The following SLC51B variants were observed in gnomAD, a reference collection of about 807,000 sequenced individuals.
SLC51B encodes the protein organic solute transporter subunit beta.
A neutral mutation model predicts 8.0 loss-of-function variants in SLC51B; 6 were observed. The observed-to-expected ratio is 0.75, with a 90% CI of 0.41 to 1.48. SLC51B has a LOEUF of 1.48. Among genes scored for constraint, SLC51B ranks in the 40% most tolerant of loss-of-function variants. The pLI is 0.01. For missense variants in SLC51B, 150 were observed against 149.7 expected (o/e 1.00, Z -0.01); for synonymous variants, 61 against 54.8 (o/e 1.11, Z -0.50).
At chr15:65,052,878 C>A in intron 3 of SLC51B, 88 bp from the exon 4 acceptor site, 2 of 1,224,440 alleles carry the variant, frequency 1.6e-6, no homozygotes, top group Non-Finnish European at 2.3e-6. Flanking sequence ...AGAGAATTTT[C>A]CCCTTAGACT....
intron 1 of SLC51B, among the ~76,000 whole-genome samples, chr15:65,045,847 G>A (rs1234738163): frequency 6.6e-6 from 1 of 152,232 alleles, no homozygotes; most frequent in East Asian, 1.9e-4. Flanking sequence ...CACTTTAGAA[G>A]CAAACTGGAT....
intron 1 of SLC51B, chr15:65,049,101 T>C (rs1481003593): frequency 6.6e-6 from 1 of 152,066 alleles, no homozygotes; most frequent in African/African-American, 2.4e-5. Context: ...CTATTTCTTT[T>C]TGTTTTGTAA....
chr15:65,050,055 C>A lies in SLC51B; in HGVS notation c.51C>A (p.Pro17=). 6.4e-7 allele frequency: 1 copy of A among 1,551,724 alleles called. No homozygotes were observed. Among genetic ancestry groups the A allele is most frequent in the South Asian group, 1.2e-5 (1 of 84,044 alleles). Residue 17 remains proline (P), a synonymous_variant, in exon 2 of 4, where the codon CCC becomes CCA. Coordinates refer to ENST00000334287, the MANE Select transcript of SLC51B (RefSeq NM_178859.4). ...APGDPAGTVV[P]QELLEEMLWF... ...GAGACCCAGCCGGTACTGTGGTACCCCAGGAGCTGCTGGAAGAGATGCTTT... is the reference window on the plus strand; with the variant it reads ...GAGACCCAGCCGGTACTGTGGTACCACAGGAGCTGCTGGAAGAGATGCTTT...
chr15:65,051,663 C>T, intron 3 of SLC51B, 58 bp downstream of exon 3: 1 of 1,528,632 alleles, frequency 6.5e-7, no homozygotes, highest in Non-Finnish European at 9.0e-7. Flanking sequence ...GCCCTGCCTT[C>T]CCAGAGGGAA....
intron 1 of SLC51B, chr15:65,049,460 A>G (rs868356955): frequency 6.6e-6 from 1 of 152,040 alleles, no homozygotes; most frequent in African/African-American, 2.4e-5. Context: ...AGGCGTGCCA[A>G]TCCCCAGGAG....
At chr15:65,048,492 G>A (rs549317974) in intron 1 of SLC51B, among the ~76,000 whole-genome samples, 11 of 152,314 alleles carry the variant, frequency 7.2e-5, no homozygotes, top group African/African-American at 2.2e-4. Flanking sequence ...TTGGGGCTGA[G>A]ATTGTTGAGC....
intron 1 of SLC51B, among the ~76,000 whole-genome samples, chr15:65,048,724 T>C (rs2086607632): frequency 6.6e-6 from 1 of 152,184 alleles, no homozygotes; most frequent in African/African-American, 2.4e-5. Flanking sequence ...AAATGTGTTA[T>C]TGGGTCAGGC....
chr15:65,052,976 A>G lies in SLC51B; in HGVS notation c.199A>G (p.Met67Val), dbSNP rs150408669. The change falls in exon 4 of 4, where the codon ATG becomes GTG. Residue 67 changes from methionine to valine, a missense_variant. Physicochemically the swap from Met to Val is conservative, Grantham distance 21. Coordinates refer to ENST00000334287, the MANE Select transcript of SLC51B (RefSeq NM_178859.4). ...TCCCTGTCCCCCCAGAAAAGAAAAG[A>G]TGCAGCCACCAGAAAAAGAAACTCC... ...RSIQASRKEKMQPPEKETPEV... is the reference protein window; with the variant it reads ...RSIQASRKEKVQPPEKETPEV... 9.7e-5 allele frequency: 142 copies of G among 1,470,982 alleles called. No homozygotes were observed. The African/African-American group carries it at 1.7e-3, about 17-fold the overall frequency. 91.1% of individuals were successfully genotyped at this position (1,470,982 alleles called of 1,614,324 possible).
In SLC51B at chr15:65,049,849, A is replaced by C. The variant is rs149959590; in HGVS notation, c.-108-48A>C. 3.9e-3 allele frequency: 1,947 copies of C among 501,774 alleles called. 7 individuals are homozygous for C. Among genetic ancestry groups the C allele is most frequent in the Middle Eastern group, 0.011 (21 of 1,860 alleles). 31.1% of individuals were successfully genotyped at this position (501,774 alleles called of 1,614,324 possible). A position where few individuals can be genotyped will look rare whatever the true frequency, so the allele number is the denominator to read the frequency against. On this transcript the variant is annotated intron_variant, in intron 1 of 3. Coordinates refer to ENST00000334287, the MANE Select transcript of SLC51B (RefSeq NM_178859.4). ...GATCTGGATTTGGGCACAGAGGGAG[A>C]TCAAACTCGGGTGGGATATCCAGTC...
intron 1 of SLC51B, among the ~76,000 whole-genome samples, chr15:65,048,726 G>A (rs1191939819): frequency 6.6e-6 from 1 of 152,098 alleles, no homozygotes; most frequent in Non-Finnish European, 1.5e-5. Flanking sequence ...ATGTGTTATT[G>A]GGTCAGGCGC....
chr15:65,049,230 A>G (rs1168807191), intron 1 of SLC51B: 1 of 151,486 alleles, frequency 6.6e-6, no homozygotes, highest in Non-Finnish European at 1.5e-5. Flanking sequence ...AATAGTTGGG[A>G]TGGAAATAGG....
Position 65,053,360 on chromosome 15 carries a change from T to C in SLC51B, c.*196T>C. ...AATTCTGTTATTAAAAAAAATCTTTTATTAAAATGCTCCTGGAAGGGAGCA... is the reference window on the plus strand; with the variant it reads ...AATTCTGTTATTAAAAAAAATCTTTCATTAAAATGCTCCTGGAAGGGAGCA... On this transcript the variant is annotated 3_prime_UTR_variant, in exon 4 of 4. Coordinates refer to ENST00000334287, the MANE Select transcript of SLC51B (RefSeq NM_178859.4). 7.1e-7 allele frequency: 1 copy of C among 1,406,916 alleles called. No homozygotes were observed. Among genetic ancestry groups the C allele is most frequent in the East Asian group, 2.7e-5 (1 of 37,732 alleles). The allele number at this position is 1,406,916 out of a possible 1,614,324, so 87.2% of individuals were successfully genotyped here. A position where few individuals can be genotyped will look rare whatever the true frequency, so the allele number is the denominator to read the frequency against.
chr15:65,049,950 T>A lies in SLC51B; in HGVS notation c.-55T>A. The A allele has an allele frequency of 7.0e-7, 1 of 1,425,812 alleles. No individual in the cohort carries two copies. Among genetic ancestry groups the A allele is most frequent in the East Asian group, 2.6e-5 (1 of 39,076 alleles). 88.3% of individuals were successfully genotyped at this position (1,425,812 alleles called of 1,614,324 possible). On this transcript the variant is annotated 5_prime_UTR_variant, in exon 2 of 4. Coordinates refer to ENST00000334287, the MANE Select transcript of SLC51B (RefSeq NM_178859.4). ...CCAGAACCGAGGAGGCCAGGAGGGCTGCTGGGGCTAAGGGGTCTAAGGACC... is the reference window on the plus strand; with the variant it reads ...CCAGAACCGAGGAGGCCAGGAGGGCAGCTGGGGCTAAGGGGTCTAAGGACC...
At chr15:65,051,393 G>A in intron 2 of SLC51B, 122 bp from the exon 3 acceptor site, 3 of 860,580 alleles carry the variant, frequency 3.5e-6, no homozygotes, top group South Asian at 1.5e-5. Flanking sequence ...TCTTTGATTA[G>A]GGTCTCCACG....
At chr15:65,052,317 A>T (rs1053472849) in intron 3 of SLC51B, among the ~76,000 whole-genome samples, 4 of 151,724 alleles carry the variant, frequency 2.6e-5, no homozygotes, top group African/African-American at 9.7e-5. Context: ...CCAAGGTCAG[A>T]GACAGTGTGG....
intron 3 of SLC51B, among the ~76,000 whole-genome samples, chr15:65,052,150 G>A (rs2086662031): frequency 6.6e-6 from 1 of 152,166 alleles, no homozygotes; most frequent in Non-Finnish European, 1.5e-5. Context: ...GGAGTGATGT[G>A]TACACGATGG....
chr15:65,053,206 G>A lies in SLC51B; in HGVS notation c.*42G>A. 1 of 1,608,386 alleles carries A rather than the reference G, an allele frequency of 6.2e-7. No individual in the cohort carries two copies. The highest frequency in any genetic ancestry group is 8.5e-7 in the Non-Finnish European group (1 of 1,177,738). On this transcript the variant is annotated 3_prime_UTR_variant, in exon 4 of 4. Transcript: ENST00000334287. ...CCCCATCCTAAGCCAGACACATGAT[G>A]TGGGCTCAGCTCAGTGGCCTGAAAC...
At chr15:65,050,836 C>CTTTTTTTT (rs57404080) in intron 2 of SLC51B, among the ~76,000 whole-genome samples, 1 of 95,650 alleles carries the variant, frequency 1.0e-5, no homozygotes, top group Non-Finnish European at 1.9e-5. Context: ...TCTTCTTCTT[C>CTTTTTTTT]TTTTTTTTTT....
chr15:65,047,663 G>C (rs1365540127), intron 1 of SLC51B, among the ~76,000 whole-genome samples: 1 of 152,160 alleles, frequency 6.6e-6, no homozygotes, highest in Non-Finnish European at 1.5e-5. Context: ...ATCCTTCTTG[G>C]ACAGTGCTCT....
Sources: gnomAD v4.1 joint callset for allele counts (sites outside exome capture counted in the v4.1 genomes callset) on GRCh38, gnomAD v4.1.1 for gene constraint, MANE v1.5 for transcripts, NCBI Gene and HGNC (gene_info 2026-07-23, HGNC 2026-07-21) for gene names.